The following NTNG1 variants were observed in gnomAD, a reference collection of about 807,000 sequenced individuals.
NTNG1 encodes netrin G1.
Under a neutral mutation model 54.0 loss-of-function variants are expected in NTNG1, and 16 were observed. The observed-to-expected ratio is 0.30, with a 90% CI of 0.20 to 0.45. The LOEUF (loss-of-function observed/expected upper bound fraction) is 0.45. NTNG1 is among the 20% of genes least tolerant of loss of function. The probability of loss-of-function intolerance (pLI) is 1.00; values close to 1 mark genes in which losing one functional copy is unlikely to be tolerated. For missense variants in NTNG1, 530 were observed against 678.7 expected (o/e 0.78, Z 2.43); for synonymous variants, 255 against 263.1 (o/e 0.97, Z 0.30).
chr1:107,167,844 T>G (rs953351115), intron 2 of NTNG1, among the ~76,000 whole-genome samples: 3 of 152,024 alleles, frequency 2.0e-5, no homozygotes, highest in African/African-American at 7.2e-5. Context: ...TGTATATTGT[T>G]TGTTAGTTAA....
intron 2 of NTNG1, among the ~76,000 whole-genome samples, chr1:107,164,000 A>C (rs1226349178): frequency 6.6e-6 from 1 of 152,204 alleles, no homozygotes; most frequent in African/African-American, 2.4e-5. Flanking sequence ...GATTTCCGTC[A>C]CACTGCTACT....
chr1:107,310,611 C>A (rs1666951229), intron 2 of NTNG1, among the ~76,000 whole-genome samples: 2 of 151,948 alleles, frequency 1.3e-5, no homozygotes, highest in Non-Finnish European at 2.9e-5. Context: ...GAAACATTGG[C>A]ATGTTATATA....
chr1:107,427,495 GA>G, intron 5 of NTNG1, among the ~76,000 whole-genome samples: 1 of 152,122 alleles, frequency 6.6e-6, no homozygotes, highest in Non-Finnish European at 1.5e-5. Flanking sequence ...TAAAAAGTAG[GA>G]AATTAACAGA....
intron 7 of NTNG1, among the ~76,000 whole-genome samples, chr1:107,464,980 T>C (rs995898357): frequency 1.4e-4 from 21 of 152,108 alleles, no homozygotes; most frequent in African/African-American, 4.8e-4. Flanking sequence ...CAACCCCACA[T>C]TCCCCCTCCT....
At chr1:107,144,211 A>G (rs1389193023) in intron 1 of NTNG1, among the ~76,000 whole-genome samples, 1 of 152,116 alleles carries the variant, frequency 6.6e-6, no homozygotes, top group Non-Finnish European at 1.5e-5. Context: ...TAATTTTGAT[A>G]GGTTATAATT....
chr1:107,377,084 G>A (rs1671329017), intron 3 of NTNG1, among the ~76,000 whole-genome samples: 1 of 152,174 alleles, frequency 6.6e-6, no homozygotes, highest in Admixed American at 6.5e-5. Flanking sequence ...TGGCTTACAT[G>A]GGGCCAGTTG....
chr1:107,322,073 A>G (rs1667692477), intron 2 of NTNG1, among the ~76,000 whole-genome samples: 1 of 152,190 alleles, frequency 6.6e-6, no homozygotes, highest in Admixed American at 6.6e-5. Context: ...AAGTATAGGC[A>G]TGAGAGCCTT....
At chr1:107,364,445 T>C (rs926868733) in intron 3 of NTNG1, among the ~76,000 whole-genome samples, 3 of 152,190 alleles carry the variant, frequency 2.0e-5, no homozygotes, top group Admixed American at 1.3e-4. Context: ...TTTGTTGTTG[T>C]TTTACTTGAA....
In NTNG1 at chr1:107,148,674, G is replaced by C; in HGVS notation, c.81G>C (p.Trp27Cys). The change falls in exon 2 of 8, where the codon TGG becomes TGC. Residue 27 changes from tryptophan (W) to cysteine (C), a missense_variant. Coordinates refer to ENST00000370068, the MANE Select transcript of NTNG1 (RefSeq NM_001113226.3). ...TGATGCAGCCCTACCCTTTGGTTTGGGGACATTATGATTTGTGTAAGACTC... is the reference window on the plus strand; with the variant it reads ...TGATGCAGCCCTACCCTTTGGTTTGCGGACATTATGATTTGTGTAAGACTC... Reference protein sequence around the residue: ...SSVMQPYPLVWGHYDLCKTQI... With the variant: ...SSVMQPYPLVCGHYDLCKTQI... 1 of 1,613,610 alleles carries C rather than the reference G, an allele frequency of 6.2e-7. No homozygotes were observed. The highest frequency in any genetic ancestry group is 8.5e-7 in the Non-Finnish European group (1 of 1,179,674).
At chr1:107,355,660 T>G (rs1318617132) in intron 3 of NTNG1, among the ~76,000 whole-genome samples, 1 of 152,156 alleles carries the variant, frequency 6.6e-6, no homozygotes, top group African/African-American at 2.4e-5. Flanking sequence ...ACAGGAAGTG[T>G]GGATGTCTCT....
intron 2 of NTNG1, among the ~76,000 whole-genome samples, chr1:107,223,626 A>T (rs1459557208): frequency 4.6e-5 from 7 of 152,142 alleles, no homozygotes; most frequent in Non-Finnish European, 7.4e-5. Flanking sequence ...TCTCCTTTTC[A>T]TCAATGGTAT....
intron 2 of NTNG1, among the ~76,000 whole-genome samples, chr1:107,228,755 T>C (rs1660854769): frequency 6.6e-6 from 1 of 152,114 alleles, no homozygotes; most frequent in Non-Finnish European, 1.5e-5. Flanking sequence ...GTTTCCTAAT[T>C]CTGATGAGGC....
At chr1:107,207,639 C>T (rs907679153) in intron 2 of NTNG1, among the ~76,000 whole-genome samples, 1 of 152,116 alleles carries the variant, frequency 6.6e-6, no homozygotes, top group Non-Finnish European at 1.5e-5. Flanking sequence ...TTCTTGTTTT[C>T]ATCATATTCA....
chr1:107,155,023 T>A (rs1654880410), intron 2 of NTNG1, among the ~76,000 whole-genome samples: 1 of 152,062 alleles, frequency 6.6e-6, no homozygotes, highest in Non-Finnish European at 1.5e-5. Context: ...GAGATAACCT[T>A]GTCTGCTTTT....
chr1:107,378,265 C>G (rs1261433730), intron 3 of NTNG1, among the ~76,000 whole-genome samples: 1 of 152,184 alleles, frequency 6.6e-6, no homozygotes, highest in Non-Finnish European at 1.5e-5. Flanking sequence ...CCAGCCTCAG[C>G]ACATTGCCTA....
At chr1:107,309,044 G>A (rs944917573) in intron 2 of NTNG1, among the ~76,000 whole-genome samples, 2 of 151,914 alleles carry the variant, frequency 1.3e-5, no homozygotes, top group Non-Finnish European at 2.9e-5. Context: ...TCAAACTCTT[G>A]CTGAATCTTC....
At chr1:107,315,835 A>T (rs1055004473) in intron 2 of NTNG1, among the ~76,000 whole-genome samples, 1 of 152,110 alleles carries the variant, frequency 6.6e-6, no homozygotes, top group African/African-American at 2.4e-5. Flanking sequence ...ACCACACTAT[A>T]CCCAGTATAC....
chr1:107,372,737 A>G (rs1057397363), intron 3 of NTNG1, among the ~76,000 whole-genome samples: 9 of 152,128 alleles, frequency 5.9e-5, no homozygotes, highest in African/African-American at 2.2e-4. Flanking sequence ...TTACTGAGAA[A>G]GGACTATGGA....
At chr1:107,224,113 C>G (rs1318545420) in intron 2 of NTNG1, among the ~76,000 whole-genome samples, 1 of 152,114 alleles carries the variant, frequency 6.6e-6, no homozygotes, top group Non-Finnish European at 1.5e-5. Context: ...CATCAGACAC[C>G]TGTTTTGTAG....
Sources: gnomAD v4.1 joint callset for allele counts (sites outside exome capture counted in the v4.1 genomes callset) on GRCh38, gnomAD v4.1.1 for gene constraint, MANE v1.5 for transcripts, NCBI Gene and HGNC (gene_info 2026-07-23, HGNC 2026-07-21) for gene names.